The following LOC128092252 variants were observed in gnomAD, a reference collection of about 807,000 sequenced individuals.
the LOC128092252 span, chr15:50,686,451 C>T: frequency 1.9e-6 from 3 of 1,611,836 alleles, no homozygotes; most frequent in Non-Finnish European, 2.5e-6. Context: ...CGGCTCCCCA[C>T]ACACTTGCCT....
At chr15:50,667,635 A>T in the LOC128092252 span, among the ~76,000 whole-genome samples, 1 of 152,232 alleles carries the variant, frequency 6.6e-6, no homozygotes, top group East Asian at 1.9e-4. Context: ...TGAACCCAGG[A>T]GGTGGAGGTA....
At chr15:50,651,321 A>G in the LOC128092252 span, among the ~76,000 whole-genome samples, 1 of 152,234 alleles carries the variant, frequency 6.6e-6, no homozygotes, top group African/African-American at 2.4e-5. Context: ...TGACACAAAA[A>G]CAAGTATTAT....
the LOC128092252 span, among the ~76,000 whole-genome samples, chr15:50,652,321 T>C: frequency 2.5e-5 from 2 of 81,518 alleles, no homozygotes; most frequent in African/African-American, 5.3e-5. Flanking sequence ...TGAGTGAGAC[T>C]CCATCTCAAA....
At chr15:50,653,594 C>T in the LOC128092252 span, among the ~76,000 whole-genome samples, 1 of 152,182 alleles carries the variant, frequency 6.6e-6, no homozygotes, top group South Asian at 2.1e-4. Flanking sequence ...ACCCCCATGA[C>T]TGCACCAGCT....
the LOC128092252 span, among the ~76,000 whole-genome samples, chr15:50,655,950 A>G: frequency 7.9e-3 from 1,192 of 151,776 alleles, 19 homozygotes; most frequent in African/African-American, 0.028. Flanking sequence ...AGATCGCACC[A>G]CTGTATGCCA....
chr15:50,684,227 A>G, the LOC128092252 span, among the ~76,000 whole-genome samples: 1 of 151,148 alleles, frequency 6.6e-6, no homozygotes, highest in African/African-American at 2.4e-5. Flanking sequence ...ATCTCCGCTT[A>G]CTGCAACCTC....
chr15:50,652,078 A>C, the LOC128092252 span, among the ~76,000 whole-genome samples: 5 of 151,930 alleles, frequency 3.3e-5, no homozygotes, highest in African/African-American at 1.2e-4. Context: ...CATGCCTGTA[A>C]TCCCAGCACT....
the LOC128092252 span, chr15:50,648,965 G>A: frequency 1.6e-4 from 170 of 1,073,698 alleles, no homozygotes; most frequent in Middle Eastern, 9.6e-4. Flanking sequence ...TGAATGAACC[G>A]ACAAATATAA....
the LOC128092252 span, among the ~76,000 whole-genome samples, chr15:50,667,237 C>G: frequency 6.6e-6 from 1 of 152,218 alleles, no homozygotes; most frequent in African/African-American, 2.4e-5. Flanking sequence ...ATTACTAGGC[C>G]CTAGAAACTG....
At chr15:50,686,625 C>A in the LOC128092252 span, 2 of 1,546,194 alleles carry the variant, frequency 1.3e-6, no homozygotes, top group Non-Finnish European at 1.7e-6. Flanking sequence ...TCTCCGGAGG[C>A]GGCAGCAGAG....
At chr15:50,660,264 T>C in the LOC128092252 span, among the ~76,000 whole-genome samples, 1 of 152,260 alleles carries the variant, frequency 6.6e-6, no homozygotes, top group East Asian at 1.9e-4. Flanking sequence ...CAAAAACATT[T>C]ACAGAATGTA....
At chr15:50,673,376 G>A in the LOC128092252 span, among the ~76,000 whole-genome samples, 7 of 152,054 alleles carry the variant, frequency 4.6e-5, no homozygotes, top group Non-Finnish European at 1.0e-4. Context: ...TTGCCCGACC[G>A]GTACACACTG....
At chr15:50,655,466 T>A in the LOC128092252 span, among the ~76,000 whole-genome samples, 4 of 148,350 alleles carry the variant, frequency 2.7e-5, no homozygotes, top group African/African-American at 9.9e-5. Flanking sequence ...CAAAAAACCT[T>A]CTCAATCAGG....
At chr15:50,675,512 A>T in the LOC128092252 span, among the ~76,000 whole-genome samples, 309 of 152,262 alleles carry the variant, frequency 2.0e-3, no homozygotes, top group Middle Eastern at 3.4e-3. Flanking sequence ...TTACACAGGA[A>T]TCGGCTTCAC....
At chr15:50,665,196 C>A in the LOC128092252 span, among the ~76,000 whole-genome samples, 3,078 of 151,784 alleles carry the variant, frequency 0.02, 120 homozygotes, top group African/African-American at 0.071. Flanking sequence ...GCCAGGAGTT[C>A]GAGACCAGCC....
At chr15:50,668,128 G>A in the LOC128092252 span, among the ~76,000 whole-genome samples, 102 of 152,286 alleles carry the variant, frequency 6.7e-4, no homozygotes, top group East Asian at 0.014. Context: ...TCTTCGAAAG[G>A]TGGTTTATAA....
the LOC128092252 span, among the ~76,000 whole-genome samples, chr15:50,678,232 T>A: frequency 2.5e-5 from 3 of 119,198 alleles, no homozygotes; most frequent in East Asian, 2.5e-4. Context: ...AGAGTGAGAC[T>A]CTCTCTCAAA....
chr15:50,669,352 T>G, the LOC128092252 span, among the ~76,000 whole-genome samples: 1 of 151,998 alleles, frequency 6.6e-6, no homozygotes, highest in African/African-American at 2.4e-5. Flanking sequence ...GCAGAACCAC[T>G]TGAACTCAGG....
At chr15:50,657,690 G>A in the LOC128092252 span, 1 of 1,171,444 alleles carries the variant, frequency 8.5e-7, no homozygotes, top group Non-Finnish European at 1.2e-6. Flanking sequence ...TAGCATGTGA[G>A]TTTCATGCCA....
Sources: gnomAD v4.1 joint callset for allele counts (sites outside exome capture counted in the v4.1 genomes callset) on GRCh38, gnomAD v4.1.1 for gene constraint, MANE v1.5 for transcripts.